Variants in ZNF385D observed in about 807,000 individuals in gnomAD.
ZNF385D encodes the protein zinc finger protein 385D, also known as zinc finger protein 659.
ZNF385D carries 15 observed loss-of-function variants against 35.8 expected under a neutral mutation model. That is an observed-to-expected ratio of 0.42 (90% CI 0.28 to 0.64). The LOEUF (loss-of-function observed/expected upper bound fraction) is 0.64, where lower values mean the gene tolerates loss of function less well. Among genes scored for constraint, ZNF385D ranks in the 30% least tolerant of loss-of-function variants. The pLI, the probability that ZNF385D is intolerant of heterozygous loss-of-function variation, is 0.23. For synonymous variants in ZNF385D, 212 were observed against 186.8 expected (o/e 1.13, Z -1.10); for missense variants, 474 against 494.6 (o/e 0.96, Z 0.39).
At chr3:21,695,536 C>T (rs143815768) in intron 1 of ZNF385D, among the ~76,000 whole-genome samples, 1 of 152,220 alleles carries the variant, frequency 6.6e-6, no homozygotes, top group East Asian at 1.9e-4. Context: ...GACCAATAGC[C>T]CATCCAGCTA....
At chr3:22,263,734 G>A (rs1700751374) in intron 2 of ZNF385D, among the ~76,000 whole-genome samples, 1 of 151,942 alleles carries the variant, frequency 6.6e-6, no homozygotes, top group South Asian at 2.1e-4. Flanking sequence ...TCAACCAGGG[G>A]CAGTTTTTAT....
chr3:22,065,255 G>C (rs865874650), intron 3 of ZNF385D, among the ~76,000 whole-genome samples: 1 of 152,220 alleles, frequency 6.6e-6, no homozygotes, highest in Non-Finnish European at 1.5e-5. Flanking sequence ...AGCACTGATA[G>C]AGAATGAGGA....
chr3:22,122,100 C>A (rs957807227), intron 3 of ZNF385D, among the ~76,000 whole-genome samples: 1 of 152,120 alleles, frequency 6.6e-6, no homozygotes, highest in African/African-American at 2.4e-5. Flanking sequence ...TTTTGCCTGA[C>A]TTCTTTATCA....
intron 2 of ZNF385D, among the ~76,000 whole-genome samples, chr3:22,271,463 T>C (rs1249502680): frequency 2.6e-5 from 4 of 151,698 alleles, no homozygotes; most frequent in African/African-American, 9.7e-5. Flanking sequence ...CCTAACTGCA[T>C]AGAAAAAAAA....
chr3:22,089,397 G>A (rs1269119411), intron 3 of ZNF385D, among the ~76,000 whole-genome samples: 2 of 152,154 alleles, frequency 1.3e-5, no homozygotes, highest in Non-Finnish European at 2.9e-5. Context: ...TGTCAGTAGA[G>A]GGCACTAAAA....
chr3:22,150,590 T>G (rs80200778), intron 3 of ZNF385D, among the ~76,000 whole-genome samples: 3,566 of 152,196 alleles, frequency 0.023, 143 homozygotes, highest in African/African-American at 0.082. Context: ...AAGATAAATA[T>G]TTCTAATCTC....
At chr3:21,437,299 T>C (rs1465517797) in intron 4 of ZNF385D, 96 bp from the exon 5 acceptor site, 32 of 1,187,614 alleles carry the variant, frequency 2.7e-5, no homozygotes, top group Non-Finnish European at 3.6e-5. Context: ...CTGCTTATAA[T>C]GATAAGAGCA....
At chr3:21,885,866 T>A (rs1698521059) in intron 3 of ZNF385D, among the ~76,000 whole-genome samples, 1 of 151,896 alleles carries the variant, frequency 6.6e-6, no homozygotes, top group Admixed American at 6.6e-5. Context: ...GAGTTACAGT[T>A]ATAGTCCAAA....
At chr3:22,118,199 T>C (rs1702905813) in intron 3 of ZNF385D, among the ~76,000 whole-genome samples, 1 of 152,100 alleles carries the variant, frequency 6.6e-6, no homozygotes, top group African/African-American at 2.4e-5. Flanking sequence ...GTCTCTCTTA[T>C]TCCAAAATCC....
chr3:22,072,458 A>G (rs1700273592), intron 3 of ZNF385D, among the ~76,000 whole-genome samples: 1 of 152,116 alleles, frequency 6.6e-6, no homozygotes, highest in African/African-American at 2.4e-5. Flanking sequence ...AAGAATCACT[A>G]GAACTAGAAC....
At chr3:22,327,715 G>A (rs548241251) in intron 2 of ZNF385D, among the ~76,000 whole-genome samples, 1 of 152,252 alleles carries the variant, frequency 6.6e-6, no homozygotes, top group South Asian at 2.1e-4. Context: ...ATATGAAGAG[G>A]GTGATGTGTA....
Position 21,732,029 on chromosome 3 carries a change from G to GTTTTTTTTTTTTT in ZNF385D, c.22+18865_22+18866insAAAAAAAAAAAAA. On this transcript the variant is annotated intron_variant, in intron 1 of 7. Transcript: ENST00000281523. ...ATTCAGGGTTTTTTTCTTTTTTCGG[G>GTTTTTTTTTTTTT]GTTTTTTTTTTTTTTTTTTTTTTTT... 5.7e-3 allele frequency among the ~76,000 whole-genome samples: 121 copies of GTTTTTTTTTTTTT among 21,210 alleles called. 49 individuals are homozygous for GTTTTTTTTTTTTT. Among genetic ancestry groups the GTTTTTTTTTTTTT allele is most frequent in the South Asian group, 0.015 (9 of 604 alleles). The allele number at this position is 21,210 out of a possible 152,430, so 13.9% of individuals were successfully genotyped here.
chr3:22,028,884 G>A (rs887403654), intron 3 of ZNF385D, among the ~76,000 whole-genome samples: 1 of 152,090 alleles, frequency 6.6e-6, no homozygotes. Context: ...TTGCAGGGCT[G>A]GGGCAAAGTT....
chr3:22,344,509 C>G (rs1257152206), intron 2 of ZNF385D, among the ~76,000 whole-genome samples: 3 of 152,230 alleles, frequency 2.0e-5, no homozygotes, highest in Admixed American at 2.0e-4. Flanking sequence ...CCTGCCTCAG[C>G]CTCCTGAGTA....
chr3:21,675,142 G>A (rs1575440407), intron 1 of ZNF385D, among the ~76,000 whole-genome samples: 2 of 152,172 alleles, frequency 1.3e-5, no homozygotes, highest in South Asian at 2.1e-4. Flanking sequence ...GCTAAAAGGT[G>A]AGAAACATTT....
chr3:21,496,304 ATATT>A (rs992106146), intron 4 of ZNF385D, among the ~76,000 whole-genome samples: 36 of 146,468 alleles, frequency 2.5e-4, no homozygotes, highest in African/African-American at 8.7e-4. Flanking sequence ...TGTATTATAT[ATATT>A]TATTTACTCT....
chr3:21,567,079 G>A (rs1027953908), intron 2 of ZNF385D, among the ~76,000 whole-genome samples: 10 of 151,766 alleles, frequency 6.6e-5, no homozygotes, highest in Admixed American at 5.3e-4. Context: ...TGCACTACAT[G>A]TATTTATCCA....
At chr3:21,854,422 C>G (rs988255072) in intron 3 of ZNF385D, among the ~76,000 whole-genome samples, 1 of 151,942 alleles carries the variant, frequency 6.6e-6, no homozygotes, top group Admixed American at 6.6e-5. Flanking sequence ...TGGAGAGAAT[C>G]AGATAATTCT....
chr3:21,907,201 A>C (rs956388811), intron 3 of ZNF385D, among the ~76,000 whole-genome samples: 1 of 152,182 alleles, frequency 6.6e-6, no homozygotes, highest in South Asian at 2.1e-4. Context: ...GATGTATAAT[A>C]AAGTTCACTT....
Sources: gnomAD v4.1 joint callset for allele counts (sites outside exome capture counted in the v4.1 genomes callset) on GRCh38, gnomAD v4.1.1 for gene constraint, MANE v1.5 for transcripts, NCBI Gene and HGNC (gene_info 2026-07-23, HGNC 2026-07-21) for gene names.